CPNE8: variants seen among roughly 807,000 people sequenced by gnomAD.
CPNE8 encodes copine 8.
CPNE8 carries 45 observed loss-of-function variants against 81.5 expected under a neutral mutation model. The ratio of observed to expected loss-of-function variants is 0.55; its 90% CI spans 0.44 to 0.71. CPNE8 has a LOEUF of 0.71. Ranked by LOEUF, CPNE8 falls within the 30% of genes least tolerant of loss-of-function variation. The pLI, the probability that CPNE8 is intolerant of heterozygous loss-of-function variation, is 0.00. For missense variants in CPNE8, 594 were observed against 672.1 expected (o/e 0.88, Z 1.28); for synonymous variants, 252 against 226.3 (o/e 1.11, Z -1.02).
chr12:38,888,975 T>C lies in CPNE8; in HGVS notation c.99-14464A>G, dbSNP rs187747080. Among the ~76,000 whole-genome samples, 6 of 152,346 alleles carry C rather than the reference T, an allele frequency of 3.9e-5. No individual in the cohort carries two copies. The East Asian group carries it at 1.2e-3, about 29-fold the overall frequency. ...CAACTATATATTGAATAAATAATTATCAAGCACTTTCTATATGCAATACAC... is the reference window on the plus strand; with the variant it reads ...CAACTATATATTGAATAAATAATTACCAAGCACTTTCTATATGCAATACAC... On this transcript the variant is annotated intron_variant, in intron 1 of 19. Transcript: ENST00000331366.
At chr12:38,717,659 G>A (rs1461202580) in intron 13 of CPNE8, among the ~76,000 whole-genome samples, 3 of 151,364 alleles carry the variant, frequency 2.0e-5, no homozygotes, top group East Asian at 3.9e-4. Flanking sequence ...GGGATTTGAG[G>A]GGTGAAGTTT....
chr12:38,758,974 T>C (rs1486736374), intron 10 of CPNE8, among the ~76,000 whole-genome samples: 1 of 152,156 alleles, frequency 6.6e-6, no homozygotes, highest in African/African-American at 2.4e-5. Flanking sequence ...TTTATACCCC[T>C]TGTTTATTAG....
intron 6 of CPNE8, among the ~76,000 whole-genome samples, chr12:38,802,337 A>G (rs1942691085): frequency 2.9e-5 from 1 of 34,396 alleles, no homozygotes; most frequent in African/African-American, 4.9e-5. Flanking sequence ...TCAAACTAGA[A>G]CTCAGGATTA....
In CPNE8 at chr12:38,797,415, G is replaced by A. The variant is rs12949503; in HGVS notation, c.408-21114C>T. Among the ~76,000 whole-genome samples, 926 of 152,220 alleles carry A rather than the reference G, an allele frequency of 6.1e-3. 15 individuals are homozygous for A. The highest frequency in any genetic ancestry group is 0.02 in the African/African-American group (836 of 41,536). On this transcript the variant is annotated intron_variant, in intron 6 of 19. Coordinates refer to ENST00000331366, the MANE Select transcript of CPNE8 (RefSeq NM_153634.3). ...CGAAAATCCGCTCTTCTGCAGACACGGCTGCGGATACCCAGGCAAACAGGG... is the reference window on the plus strand; with the variant it reads ...CGAAAATCCGCTCTTCTGCAGACACAGCTGCGGATACCCAGGCAAACAGGG...
chr12:38,703,864 A>G (rs1340083858), intron 13 of CPNE8, among the ~76,000 whole-genome samples: 3 of 152,162 alleles, frequency 2.0e-5, no homozygotes, highest in Non-Finnish European at 4.4e-5. Flanking sequence ...ACACACACAC[A>G]AATATCTAGA....
At chr12:38,898,851 TA>T (rs1197808705) in intron 1 of CPNE8, among the ~76,000 whole-genome samples, 19 of 152,330 alleles carry the variant, frequency 1.2e-4, no homozygotes, top group African/African-American at 4.3e-4. Context: ...GATGGTCAGT[TA>T]ATCACTAAGT....
intron 6 of CPNE8, among the ~76,000 whole-genome samples, chr12:38,784,081 T>TA (rs1942116048): frequency 2.0e-5 from 3 of 152,060 alleles, no homozygotes; most frequent in Non-Finnish European, 2.9e-5. Flanking sequence ...GACAGAGAAG[T>TA]AAAAATAGCT....
intron 3 of CPNE8, 34 bp from the exon 4 acceptor site, chr12:38,848,696 C>A: frequency 6.4e-7 from 1 of 1,553,986 alleles, no homozygotes; most frequent in Non-Finnish European, 8.7e-7. Flanking sequence ...AAAATTAAAC[C>A]TTGTACGGCT....
chr12:38,902,890 T>C (rs763881333), intron 1 of CPNE8, among the ~76,000 whole-genome samples: 3 of 152,178 alleles, frequency 2.0e-5, no homozygotes, highest in Non-Finnish European at 4.4e-5. Flanking sequence ...ATCACCTTGA[T>C]AACACTCTAT....
intron 19 of CPNE8, among the ~76,000 whole-genome samples, chr12:38,659,561 C>T (rs1166301623): frequency 6.6e-6 from 1 of 152,172 alleles, no homozygotes; most frequent in Non-Finnish European, 1.5e-5. Context: ...TAGACATCTA[C>T]AGAACTCTCT....
At chr12:38,776,360 T>C in intron 6 of CPNE8, 59 bp from the exon 7 acceptor site, 1 of 518,566 alleles carries the variant, frequency 1.9e-6, no homozygotes, top group Non-Finnish European at 3.0e-6. Context: ...CTATATAATA[T>C]AAATTTATAT....
In CPNE8 at chr12:38,693,822, G is replaced by A. The variant is rs763166426; in HGVS notation, c.978C>T (p.Pro326=). 81 of 1,608,060 alleles carry A rather than the reference G, an allele frequency of 5.0e-5. No homozygotes were observed. The highest frequency in any genetic ancestry group is 3.9e-4 in the South Asian group (35 of 89,788). The change falls in exon 15 of 20, where the codon CCC becomes CCT. Residue 326 remains proline, a synonymous_variant. Transcript: ENST00000331366. The part of the protein sequence containing the change: ...FTASNGNPAQ[P]TSLHYMNPYQ... Reference sequence around the variant, plus strand: ...AAGGATTCATGTAGTGGAGGGAAGTGGGCTGAGCAGGGTTGCCTGATGACA... The same window carrying A: ...AAGGATTCATGTAGTGGAGGGAAGTAGGCTGAGCAGGGTTGCCTGATGACA...
At chr12:38,836,068 T>A (rs1370479948) in intron 5 of CPNE8, among the ~76,000 whole-genome samples, 1 of 152,176 alleles carries the variant, frequency 6.6e-6, no homozygotes, top group African/African-American at 2.4e-5. Flanking sequence ...TTATGCAATT[T>A]AATTATGCAA....
chr12:38,866,310 G>T (rs988581867), intron 3 of CPNE8, among the ~76,000 whole-genome samples: 8 of 152,178 alleles, frequency 5.3e-5, no homozygotes, highest in African/African-American at 1.9e-4. Flanking sequence ...AGTTGCTGTA[G>T]ATTGAATGCA....
chr12:38,902,245 G>GAAA lies in CPNE8; in HGVS notation c.98+3189_98+3191dup, dbSNP rs1213899497. 5.6e-4 allele frequency among the ~76,000 whole-genome samples: 54 copies of GAAA among 97,066 alleles called. 13 individuals carry two copies. The highest frequency in any genetic ancestry group is 2.7e-3 in the African/African-American group (54 of 19,814). The allele number at this position is 97,066 out of a possible 152,430, so 63.7% of individuals were successfully genotyped here. On this transcript the variant is annotated intron_variant, in intron 1 of 19. Transcript: ENST00000331366. ...AAAGAGAAAGAAGGAAAGAAAGAAA[G>GAAA]AAAGAAAGAAAAAAGAAAGAAAGAA...
intron 15 of CPNE8, 91 bp from the exon 16 acceptor site, chr12:38,685,708 G>A (rs187679996): frequency 3.0e-4 from 388 of 1,289,376 alleles, no homozygotes; most frequent in African/African-American, 6.6e-4. Flanking sequence ...AATAATACAC[G>A]TTGACACTCA....
rs113974341 is a variant in CPNE8 at position 38,824,451 on chromosome 12, A to T, written c.407+4928T>A. On this transcript the variant is annotated intron_variant, in intron 6 of 19. Transcript: ENST00000331366. ...TAAATCTCCCAATTTTACAGTTATC[A>T]TAAATTTAAAAAGACTATCTCTGAG... Among the ~76,000 whole-genome samples the T allele has an allele frequency of 2.8e-3, 431 of 152,274 alleles. 5 individuals are homozygous for T. The highest frequency in any genetic ancestry group is 9.5e-3 in the African/African-American group (396 of 41,564).
intron 1 of CPNE8, among the ~76,000 whole-genome samples, chr12:38,887,233 G>A (rs558514677): frequency 6.6e-6 from 1 of 152,194 alleles, no homozygotes; most frequent in African/African-American, 2.4e-5. Context: ...ATAGGAAGAG[G>A]GGTATATTGA....
chr12:38,820,699 G>T (rs959022889), intron 6 of CPNE8, among the ~76,000 whole-genome samples: 6 of 152,076 alleles, frequency 3.9e-5, no homozygotes, highest in Admixed American at 3.9e-4. Context: ...TTTCCAACAG[G>T]TTTTCAATCC....
Sources: gnomAD v4.1 joint callset for allele counts (sites outside exome capture counted in the v4.1 genomes callset) on GRCh38, gnomAD v4.1.1 for gene constraint, MANE v1.5 for transcripts, NCBI Gene and HGNC (gene_info 2026-07-23, HGNC 2026-07-21) for gene names.